PDE4D: variants seen among roughly 807,000 people sequenced by gnomAD.
PDE4D encodes phosphodiesterase 4D, also known as 3',5'-cyclic-AMP phosphodiesterase 4D.
Under a neutral mutation model 87.4 loss-of-function variants are expected in PDE4D, and 24 were observed. The observed-to-expected ratio is 0.27, with a 90% confidence interval of 0.20 to 0.39. The LOEUF (loss-of-function observed/expected upper bound fraction) is 0.39, where lower values mean the gene tolerates loss of function less well. PDE4D is among the 10% of genes least tolerant of loss of function. The probability of loss-of-function intolerance (pLI) is 1.00; values close to 1 mark genes in which losing one functional copy is unlikely to be tolerated. For synonymous variants in PDE4D, 384 were observed against 383.2 expected (o/e 1.00, Z -0.02); for missense variants, 714 against 1,041.0 (o/e 0.69, Z 4.32).
intron 1 of PDE4D, among the ~76,000 whole-genome samples, chr5:59,706,042 T>A (rs905199970): frequency 6.6e-6 from 1 of 152,202 alleles, no homozygotes; most frequent in Non-Finnish European, 1.5e-5. Context: ...ATCTCTAGAC[T>A]AGTACCTTGA....
intron 1 of PDE4D, among the ~76,000 whole-genome samples, chr5:59,593,826 C>T (rs1397046750): frequency 6.6e-6 from 1 of 152,188 alleles, no homozygotes. Flanking sequence ...GAGGTCCCCA[C>T]AATTCTGTGT....
At chr5:60,513,356 G>T (rs1451753626) in intron 1 of PDE4D, among the ~76,000 whole-genome samples, 2 of 151,958 alleles carry the variant, frequency 1.3e-5, no homozygotes, top group Non-Finnish European at 2.9e-5. Flanking sequence ...TAAAGAGGAG[G>T]AAATACATGG....
Position 59,038,928 on chromosome 5 carries a change from C to T in PDE4D, c.852G>A (p.Leu284=). 6.2e-7 allele frequency: 1 copy of T among 1,603,748 alleles called. No individual in the cohort carries two copies. Among genetic ancestry groups the T allele is most frequent in the Non-Finnish European group, 8.5e-7 (1 of 1,174,928 alleles). The change falls in exon 6 of 15, where the codon CTG becomes CTA. Residue 284 remains leucine (L), a synonymous_variant. Transcript: ENST00000340635. ...TCTCTAGCTGGTCCAGACACCAGTC[C>T]AGCTCCTCCAGGGTCTCGCTGGCCA... The part of the protein sequence containing the change: ...QKLASETLEE[L]DWCLDQLETL...
chr5:59,588,723 C>A (rs954990727), intron 1 of PDE4D, among the ~76,000 whole-genome samples: 4 of 152,128 alleles, frequency 2.6e-5, no homozygotes, highest in Non-Finnish European at 1.5e-5. Flanking sequence ...CTGGGTGATT[C>A]CTTAAAAGCA....
chr5:59,845,742 C>G (rs745588080), intron 1 of PDE4D, among the ~76,000 whole-genome samples: 2 of 152,018 alleles, frequency 1.3e-5, no homozygotes, highest in Non-Finnish European at 2.9e-5. Flanking sequence ...GGATATGGAA[C>G]CTGATTCTAT....
chr5:59,175,320 A>G (rs1259328626), intron 5 of PDE4D, among the ~76,000 whole-genome samples: 2 of 152,146 alleles, frequency 1.3e-5, no homozygotes, highest in African/African-American at 2.4e-5. Flanking sequence ...GTACCAAAGA[A>G]GCTGACATAC....
chr5:59,918,210 C>A (rs980669325), intron 3 of PDE4D, among the ~76,000 whole-genome samples: 6 of 151,634 alleles, frequency 4.0e-5, no homozygotes, highest in Non-Finnish European at 8.8e-5. Context: ...CAGTTACTGG[C>A]ACACTTGGAC....
At position 58,990,757 on chromosome 5, in the gene PDE4D, A is replaced by G. The variant is rs188503391; in HGVS notation, c.1287+47T>C. On this transcript the variant is annotated intron_variant, in intron 9 of 14. Coordinates refer to ENST00000340635, the MANE Select transcript of PDE4D (RefSeq NM_001104631.2). ...TGTATGCATAAGCTACAGACTGGACATTAAGTTCCTAAATAAAATAAATGT... is the reference window on the plus strand; with the variant it reads ...TGTATGCATAAGCTACAGACTGGACGTTAAGTTCCTAAATAAAATAAATGT... 1.1e-3 allele frequency: 1,136 copies of G among 1,003,662 alleles called. 2 individuals carry two copies. The highest frequency in any genetic ancestry group is 1.1e-3 in the Non-Finnish European group (702 of 653,250). 62.2% of individuals were successfully genotyped at this position (1,003,662 alleles called of 1,614,324 possible). A position where few individuals can be genotyped will look rare whatever the true frequency, so the allele number is the denominator to read the frequency against.
chr5:59,384,953 T>C (rs1485629404), intron 1 of PDE4D, among the ~76,000 whole-genome samples: 2 of 152,192 alleles, frequency 1.3e-5, no homozygotes, highest in African/African-American at 2.4e-5. Flanking sequence ...TTACTATGTA[T>C]GTAATATATA....
intron 5 of PDE4D, among the ~76,000 whole-genome samples, chr5:59,140,834 A>G (rs143224264): frequency 6.6e-6 from 1 of 152,262 alleles, no homozygotes; most frequent in Non-Finnish European, 1.5e-5. Context: ...TCTGTCATAA[A>G]AGGTTAACAA....
chr5:59,674,130 T>C (rs984593898), intron 1 of PDE4D, among the ~76,000 whole-genome samples: 2 of 152,234 alleles, frequency 1.3e-5, no homozygotes, highest in Admixed American at 6.5e-5. Flanking sequence ...GCATACTATT[T>C]AGAGATTAAC....
chr5:59,814,822 T>C (rs1417904494), intron 1 of PDE4D, among the ~76,000 whole-genome samples: 2 of 151,778 alleles, frequency 1.3e-5, no homozygotes, highest in Non-Finnish European at 2.9e-5. Context: ...GCTGAAAATG[T>C]GGTAAGGAGG....
rs1744107362 is a variant in PDE4D at position 58,977,605 on chromosome 5, G to A, written c.1553-260C>T. Among the ~76,000 whole-genome samples, 4 of 152,148 alleles carry A rather than the reference G, an allele frequency of 2.6e-5. No individual in the cohort carries two copies. In the South Asian group the frequency reaches 8.3e-4, roughly 32 times the overall value. On this transcript the variant is annotated intron_variant, in intron 11 of 14. Coordinates refer to ENST00000340635, the MANE Select transcript of PDE4D (RefSeq NM_001104631.2). Reference sequence around the variant, plus strand: ...TGTAGGTCTCAGCTTTCTCTAAAGTGAAAGAATTGGATCTTTAACCTCTCC... The same window carrying A: ...TGTAGGTCTCAGCTTTCTCTAAAGTAAAAGAATTGGATCTTTAACCTCTCC...
intron 2 of PDE4D, among the ~76,000 whole-genome samples, chr5:59,198,445 T>C (rs1164885566): frequency 2.0e-5 from 3 of 152,220 alleles, no homozygotes; most frequent in Admixed American, 6.5e-5. Flanking sequence ...ACAGCCAGGA[T>C]GAGCCACTGT....
chr5:59,418,943 T>A (rs763542060), intron 1 of PDE4D, among the ~76,000 whole-genome samples: 1 of 152,170 alleles, frequency 6.6e-6, no homozygotes, highest in African/African-American at 2.4e-5. Context: ...AGTCACTCAC[T>A]GCACCTGGCC....
intron 1 of PDE4D, among the ~76,000 whole-genome samples, chr5:59,477,353 T>TAAAAAAAAA (rs35047246): frequency 1.1e-5 from 1 of 88,306 alleles, no homozygotes; most frequent in Non-Finnish European, 2.3e-5. Context: ...TAGAGTATAA[T>TAAAAAAAAA]AAAAAAAAAA....
chr5:59,714,911 AC>A (rs545562268), intron 1 of PDE4D, among the ~76,000 whole-genome samples: 7 of 152,332 alleles, frequency 4.6e-5, no homozygotes, highest in Non-Finnish European at 1.0e-4. Context: ...TGGGTAGTTG[AC>A]CAAGGGTGCT....
chr5:59,456,444 T>G (rs1005652984), intron 1 of PDE4D, among the ~76,000 whole-genome samples: 1 of 152,170 alleles, frequency 6.6e-6, no homozygotes, highest in Admixed American at 6.5e-5. Context: ...TTCCTAGCCA[T>G]GTGGAGCTGA....
At chr5:59,765,414 G>A (rs1280100863) in intron 1 of PDE4D, among the ~76,000 whole-genome samples, 3 of 152,074 alleles carry the variant, frequency 2.0e-5, no homozygotes, top group Non-Finnish European at 4.4e-5. Context: ...TGGCATAGAG[G>A]GTAAATCAGA....
Sources: gnomAD v4.1 joint callset for allele counts (sites outside exome capture counted in the v4.1 genomes callset) on GRCh38, gnomAD v4.1.1 for gene constraint, MANE v1.5 for transcripts, NCBI Gene and HGNC (gene_info 2026-07-23, HGNC 2026-07-21) for gene names.